Variants in PCDHA1 observed in about 807,000 individuals in gnomAD.
The protein encoded by PCDHA1 is protocadherin alpha 1.
In PCDHA1, 42 loss-of-function variants were observed where a neutral mutation model predicts 61.3. That is an observed-to-expected ratio of 0.69 (90% confidence interval 0.54 to 0.89). PCDHA1 has a LOEUF of 0.89. Ranked by LOEUF, PCDHA1 falls within the 40% of genes least tolerant of loss-of-function variation. The pLI, the probability that PCDHA1 is intolerant of heterozygous loss-of-function variation, is 0.00. For synonymous variants in PCDHA1, 610 were observed against 553.8 expected, an observed-to-expected ratio of 1.10 and a Z score of -1.43; for missense variants, 1,256 against 1,235.3, an observed-to-expected ratio of 1.02 and a Z score of -0.25.
chr5:140,829,693 G>A, intron 1 of PCDHA1: 1 of 1,613,366 alleles, frequency 6.2e-7, no homozygotes, highest in Non-Finnish European at 8.5e-7. Context: ...TGCAGTTTCA[G>A]GTGAGCGCGC....
intron 3 of PCDHA1, among the ~76,000 whole-genome samples, chr5:140,995,110 C>T (rs1047046754): frequency 4.6e-5 from 7 of 152,198 alleles, no homozygotes; most frequent in Non-Finnish European, 7.3e-5. Flanking sequence ...TTCCAAGACC[C>T]TCAGTGGATG....
At chr5:140,883,834 G>A (rs891069385) in intron 1 of PCDHA1, 1 of 1,612,658 alleles carries the variant, frequency 6.2e-7, no homozygotes, top group Non-Finnish European at 8.5e-7. Context: ...CGCTGCAGCC[G>A]TTGGACCACG....
At chr5:141,007,192 TGGTGGGGGCCAGAATATGC>T (rs1371127830) in intron 3 of PCDHA1, among the ~76,000 whole-genome samples, 1 of 151,894 alleles carries the variant, frequency 6.6e-6, no homozygotes, top group African/African-American at 2.4e-5. Flanking sequence ...AATGTTTTGA[TGGTGGGGGCCAGAATATGC>T]TGTCCCAAAA....
At chr5:140,945,155 A>G (rs566867183) in intron 1 of PCDHA1, among the ~76,000 whole-genome samples, 22 of 152,284 alleles carry the variant, frequency 1.4e-4, no homozygotes, top group African/African-American at 5.3e-4. Context: ...TCTATACACT[A>G]TTGAACTATC....
In PCDHA1 at chr5:140,850,252, G is replaced by GCGC. The variant is rs2150475866; in HGVS notation, c.2394+61571_2394+61573dup. ...AGCGAGATGGTGCTGCGGTCGGTGG[G>GCGC]CGCCGGCGTAGTGGTGGGGAAGGTG... is the stretch of plus-strand genomic sequence containing the variant. On this transcript the variant is annotated intron_variant, in intron 1 of 3. Coordinates refer to ENST00000504120, the MANE Select transcript of PCDHA1 (RefSeq NM_018900.4). 12 of 1,593,714 alleles carry GCGC rather than the reference G, an allele frequency of 7.5e-6. No homozygotes were observed. The East Asian group carries it at 2.7e-4, about 36-fold the overall frequency.
At chr5:140,851,120 T>C (rs1052387301) in intron 1 of PCDHA1, 3 of 1,307,570 alleles carry the variant, frequency 2.3e-6, no homozygotes, top group Non-Finnish European at 2.0e-6. Flanking sequence ...ATCAATTTTA[T>C]TTAAATTTGT....
intron 1 of PCDHA1, among the ~76,000 whole-genome samples, chr5:140,885,718 C>T (rs2060696401): frequency 6.6e-6 from 1 of 152,124 alleles, no homozygotes; most frequent in South Asian, 2.1e-4. Flanking sequence ...CTAATGTGAT[C>T]TCTGTGAAAT....
chr5:140,891,589 C>T (rs1459113596), intron 1 of PCDHA1, among the ~76,000 whole-genome samples: 1 of 152,166 alleles, frequency 6.6e-6, no homozygotes, highest in East Asian at 1.9e-4. Context: ...TCTTATTACT[C>T]TATCCCATCT....
intron 1 of PCDHA1, chr5:140,884,340 C>G (rs1480799859): frequency 1.2e-6 from 2 of 1,613,772 alleles, no homozygotes; most frequent in South Asian, 1.1e-5. Flanking sequence ...GGTCCAGAAG[C>G]GGCGCTGGTG....
At position 141,010,190 on chromosome 5, in the gene PCDHA1, CCTTT is replaced by C. The variant is rs763940360; in HGVS notation, c.*256_*259del. On this transcript the variant is annotated 3_prime_UTR_variant, in exon 4 of 4. Coordinates refer to ENST00000504120, the MANE Select transcript of PCDHA1 (RefSeq NM_018900.4). ...GAACCTAAAAAGCAGACCCAAGTTT[CCTTT>C]CTCCTCCGCCGCAAAGGAGAGGCTT... 6.4e-7 allele frequency: 1 copy of C among 1,552,504 alleles called. No individual in the cohort carries two copies. Among genetic ancestry groups the C allele is most frequent in the Non-Finnish European group, 8.7e-7 (1 of 1,147,234 alleles).
chr5:140,860,034 A>G (rs1356064800), intron 1 of PCDHA1: 3 of 150,432 alleles, frequency 2.0e-5, no homozygotes, highest in Non-Finnish European at 3.0e-5. Context: ...CACACCTGTA[A>G]TCCCAGCATT....
At chr5:140,877,583 T>A (rs782090888) in intron 1 of PCDHA1, 2 of 1,613,816 alleles carry the variant, frequency 1.2e-6, no homozygotes, top group East Asian at 4.5e-5. Context: ...ATCATCGCCA[T>A]CTGTGCGGTG....
Position 140,923,938 on chromosome 5 carries a change from CT to C in PCDHA1, c.2395-55005del, listed in dbSNP as rs1340709876. 2.6e-5 allele frequency among the ~76,000 whole-genome samples: 4 copies of C among 152,122 alleles called. No homozygotes were observed. In the East Asian group the frequency reaches 7.7e-4, roughly 29 times the overall value. On this transcript the variant is annotated intron_variant, in intron 1 of 3. Coordinates refer to ENST00000504120, the MANE Select transcript of PCDHA1 (RefSeq NM_018900.4). ...ATACTGTTCTCTGTATGCATTTTTC[CT>C]TTTTTCCTCACGCCCTAATCTATAC... is the stretch of plus-strand genomic sequence containing the variant.
At chr5:140,791,453 C>T (rs1761651525) in intron 1 of PCDHA1, among the ~76,000 whole-genome samples, 1 of 152,174 alleles carries the variant, frequency 6.6e-6, no homozygotes, top group Non-Finnish European at 1.5e-5. Flanking sequence ...CTACAAAGGA[C>T]TCTGCAGCAG....
At chr5:140,802,374 G>C (rs782803218) in intron 1 of PCDHA1, 2 of 1,614,200 alleles carry the variant, frequency 1.2e-6, no homozygotes, top group Admixed American at 3.3e-5. Flanking sequence ...GACGCCCCAC[G>C]TCCCCTTCAA....
intron 3 of PCDHA1, among the ~76,000 whole-genome samples, chr5:141,001,745 T>A (rs2098035193): frequency 6.6e-6 from 1 of 152,200 alleles, no homozygotes; most frequent in Non-Finnish European, 1.5e-5. Flanking sequence ...CTGGGCTGTT[T>A]CAGTGGTTGA....
At chr5:140,997,566 T>G (rs1366934494) in intron 3 of PCDHA1, among the ~76,000 whole-genome samples, 1 of 152,208 alleles carries the variant, frequency 6.6e-6, no homozygotes, top group Non-Finnish European at 1.5e-5. Context: ...AACTGTCATA[T>G]GTGTGGTCCG....
At chr5:140,931,935 G>A (rs1456832226) in intron 1 of PCDHA1, among the ~76,000 whole-genome samples, 2 of 151,826 alleles carry the variant, frequency 1.3e-5, no homozygotes, top group East Asian at 1.9e-4. Context: ...ATTATAATGT[G>A]TGTCTGAGTC....
chr5:140,954,091 A>G (rs1055518318), intron 1 of PCDHA1, among the ~76,000 whole-genome samples: 1 of 152,204 alleles, frequency 6.6e-6, no homozygotes, highest in African/African-American at 2.4e-5. Flanking sequence ...AGCTCCATCC[A>G]TGTCCCTGCA....
Sources: allele counts gnomAD v4.1 joint callset (sites outside exome capture counted in the v4.1 genomes callset), GRCh38; gene constraint gnomAD v4.1.1; transcripts MANE v1.5; gene names NCBI Gene and HGNC (gene_info 2026-07-23, HGNC 2026-07-21).